The following NRG2 variants were observed in gnomAD, a reference collection of about 807,000 sequenced individuals.
NRG2 encodes the protein neuregulin 2.
Under a neutral mutation model 73.9 loss-of-function variants are expected in NRG2, and 27 were observed. That is an observed-to-expected ratio of 0.37 (90% CI 0.27 to 0.50). The LOEUF is 0.50. Ranked by LOEUF, NRG2 falls within the 20% of genes least tolerant of loss-of-function variation. The pLI is 0.96. For synonymous variants in NRG2, 532 were observed against 541.0 expected, an observed-to-expected ratio of 0.98 and a Z score of 0.23; for missense variants, 1,126 against 1,210.1, an observed-to-expected ratio of 0.93 and a Z score of 1.03.
chr5:139,912,543 G>A (rs1270365818), intron 1 of NRG2, among the ~76,000 whole-genome samples: 1 of 151,998 alleles, frequency 6.6e-6, no homozygotes, highest in Non-Finnish European at 1.5e-5. Flanking sequence ...ACCCAGCTCT[G>A]GCCCTGCCCT....
chr5:139,881,103 T>C (rs1763502901), intron 2 of NRG2, 129 bp from the exon 3 acceptor site: 2 of 704,372 alleles, frequency 2.8e-6, no homozygotes, highest in Admixed American at 2.4e-5. Context: ...GGAAGGAGAT[T>C]CCCTCCCCCC....
intron 3 of NRG2, among the ~76,000 whole-genome samples, chr5:139,875,334 G>A (rs909448109): frequency 1.3e-5 from 2 of 152,186 alleles, no homozygotes; most frequent in Admixed American, 6.5e-5. Context: ...TTAATGCTTA[G>A]TTTCTTCACT....
At chr5:139,898,017 C>T (rs1764651963) in intron 1 of NRG2, among the ~76,000 whole-genome samples, 1 of 152,224 alleles carries the variant, frequency 6.6e-6, no homozygotes, top group Admixed American at 6.5e-5. Flanking sequence ...TGAGAATGTC[C>T]TTATTCATGT....
Position 140,042,440 on chromosome 5 carries a change from G to T in NRG2, c.630C>A (p.Ala210=). The change falls in exon 1 of 10, where the codon GCC becomes GCA. Residue 210 remains alanine, a synonymous_variant. Transcript: ENST00000361474. ...TGCCGTTGGTATCGAGGGGGGCAAA[G>T]GCCGTCTTAAAGACTAAGGGCTGTT... The part of the protein sequence containing the change: ...PTEQPLVFKT[A]FAPLDTNGKN... The T allele has an allele frequency of 6.2e-7, 1 of 1,611,192 alleles. No individual in the cohort carries two copies. The highest frequency in any genetic ancestry group is 1.3e-5 in the African/African-American group (1 of 74,960).
At chr5:140,024,895 C>T (rs1330336570) in intron 1 of NRG2, among the ~76,000 whole-genome samples, 2 of 152,192 alleles carry the variant, frequency 1.3e-5, no homozygotes, top group Non-Finnish European at 2.9e-5. Flanking sequence ...CATGCAGTCT[C>T]TATATTTTGA....
At chr5:139,867,239 G>T (rs1762521873) in intron 4 of NRG2, among the ~76,000 whole-genome samples, 1 of 152,206 alleles carries the variant, frequency 6.6e-6, no homozygotes, top group East Asian at 1.9e-4. Context: ...TTGAGCAGAG[G>T]GCTAGAGTTT....
At chr5:139,867,838 CAG>C (rs1046207650) in intron 4 of NRG2, among the ~76,000 whole-genome samples, 8 of 80,184 alleles carry the variant, frequency 1.0e-4, no homozygotes, top group Admixed American at 2.6e-4. Flanking sequence ...GTGTGTGTGA[CAG>C]AGAGAGAGAG....
chr5:139,891,629 TA>T lies in NRG2; in HGVS notation c.701-4119del, dbSNP rs35065387. On this transcript the variant is annotated intron_variant, in intron 1 of 9. Transcript: ENST00000361474. ...ACATCAACAGGAAATATGAGACAGT[TA>T]AAAAAAAAAAGCAGCTGGATAAAGA... 3.3e-3 allele frequency among the ~76,000 whole-genome samples: 475 copies of T among 145,448 alleles called. 2 individuals are homozygous for T. The highest frequency in any genetic ancestry group is 5.9e-3 in the Admixed American group (86 of 14,616).
chr5:140,027,773 TG>T (rs1760817146), intron 1 of NRG2, among the ~76,000 whole-genome samples: 2 of 152,124 alleles, frequency 1.3e-5, no homozygotes, highest in African/African-American at 2.4e-5. Context: ...CCGCATGGAT[TG>T]GGGGGACTAC....
At chr5:139,985,743 C>T (rs961188805) in intron 1 of NRG2, among the ~76,000 whole-genome samples, 4 of 152,160 alleles carry the variant, frequency 2.6e-5, no homozygotes, top group Admixed American at 6.5e-5. Context: ...AGCCAAGCCC[C>T]CTCTCCTCGA....
chr5:140,001,555 C>T (rs998569146), intron 1 of NRG2, among the ~76,000 whole-genome samples: 7 of 152,098 alleles, frequency 4.6e-5, no homozygotes, highest in African/African-American at 1.7e-4. Context: ...ATTTGCCAAG[C>T]ACTATTCTAA....
chr5:139,872,583 C>T (rs1209503825), intron 3 of NRG2, among the ~76,000 whole-genome samples: 1 of 152,134 alleles, frequency 6.6e-6, no homozygotes, highest in Non-Finnish European at 1.5e-5. Context: ...CTCCAGGTCT[C>T]GGACAGCCCC....
chr5:139,883,783 C>A (rs1009649996), intron 2 of NRG2, among the ~76,000 whole-genome samples: 6 of 152,164 alleles, frequency 3.9e-5, no homozygotes, highest in African/African-American at 1.2e-4. Context: ...CACTCCTCCA[C>A]CACTGACAAC....
intron 2 of NRG2, among the ~76,000 whole-genome samples, chr5:139,884,563 C>T (rs1003113968): frequency 2.0e-5 from 3 of 152,290 alleles, no homozygotes; most frequent in African/African-American, 4.8e-5. Context: ...GATCATTTCC[C>T]GTCAGACACT....
At chr5:139,944,464 G>C (rs946279762) in intron 1 of NRG2, among the ~76,000 whole-genome samples, 1 of 151,946 alleles carries the variant, frequency 6.6e-6, no homozygotes, top group African/African-American at 2.4e-5. Flanking sequence ...ACTTATTTGA[G>C]ATCAACTTTT....
At chr5:140,016,025 C>T (rs1429180299) in intron 1 of NRG2, among the ~76,000 whole-genome samples, 2 of 152,174 alleles carry the variant, frequency 1.3e-5, no homozygotes, top group Non-Finnish European at 2.9e-5. Context: ...TCATTCTACA[C>T]TGGGGAGGAA....
At chr5:139,981,763 C>T (rs1264798382) in intron 1 of NRG2, among the ~76,000 whole-genome samples, 2 of 152,228 alleles carry the variant, frequency 1.3e-5, no homozygotes, top group Non-Finnish European at 2.9e-5. Flanking sequence ...TTTGCATGTC[C>T]ATTTAGTCTG....
intron 4 of NRG2, among the ~76,000 whole-genome samples, chr5:139,867,964 T>C (rs1762594218): frequency 6.6e-6 from 1 of 152,020 alleles, no homozygotes; most frequent in South Asian, 2.1e-4. Flanking sequence ...GATAACTCCA[T>C]ACATCCCTGT....
At chr5:139,942,039 A>G (rs1753438347) in intron 1 of NRG2, among the ~76,000 whole-genome samples, 1 of 152,244 alleles carries the variant, frequency 6.6e-6, no homozygotes, top group South Asian at 2.1e-4. Context: ...AAAATCATTT[A>G]GTATTTGATA....
Sources: gnomAD v4.1 joint callset for allele counts (sites outside exome capture counted in the v4.1 genomes callset) on GRCh38, gnomAD v4.1.1 for gene constraint, MANE v1.5 for transcripts, NCBI Gene and HGNC (gene_info 2026-07-23, HGNC 2026-07-21) for gene names.